Variants in RREB1 observed in about 807,000 individuals in gnomAD.
RREB1 encodes ras-responsive element-binding protein 1.
RREB1 carries 27 observed loss-of-function variants against 117.8 expected under a neutral mutation model. The observed-to-expected ratio is 0.23, with a 90% confidence interval of 0.17 to 0.32. The LOEUF (loss-of-function observed/expected upper bound fraction) is 0.32, where lower values mean the gene tolerates loss of function less well. Among genes scored for constraint, RREB1 ranks in the 10% least tolerant of loss-of-function variants. RREB1 has a pLI of 1.00. For missense variants in RREB1, 2,577 were observed against 2,378.2 expected (o/e 1.08, Z -1.74); for synonymous variants, 1,298 against 1,026.7 (o/e 1.26, Z -5.05).
chr6:7,172,692 G>T (rs369723631), intron 1 of RREB1, among the ~76,000 whole-genome samples: 32 of 134,982 alleles, frequency 2.4e-4, no homozygotes, highest in African/African-American at 7.1e-4. Context: ...TTGCCGGTGT[G>T]GGGGGGTGGG....
chr6:7,207,696 A>G (rs1405027632), intron 6 of RREB1, among the ~76,000 whole-genome samples: 5 of 152,220 alleles, frequency 3.3e-5, no homozygotes, highest in Non-Finnish European at 5.9e-5. Context: ...GAGCATTCCA[A>G]GGTTACTTAG....
rs987268948 is a variant in RREB1 at position 7,230,800 on chromosome 6, G to A, written c.2701G>A (p.Asp901Asn). Reference sequence around the variant, plus strand: ...TGCGGTGGACTTCAATGAGCCCCTGGACTTCTCGCAGAAGGGCCTGGCCCT... The same window carrying A: ...TGCGGTGGACTTCAATGAGCCCCTGAACTTCTCGCAGAAGGGCCTGGCCCT... ...SFAVDFNEPLDFSQKGLALVQ... is the reference protein window; with the variant it reads ...SFAVDFNEPLNFSQKGLALVQ... The change falls in exon 10 of 13, where the codon GAC (aspartate) becomes AAC (asparagine). Residue 901 changes from aspartate to asparagine, a missense_variant. Transcript: ENST00000379938. 15 of 1,614,052 alleles carry A rather than the reference G, an allele frequency of 9.3e-6. No homozygotes were observed. Among genetic ancestry groups the A allele is most frequent in the Admixed American group, 8.3e-5 (5 of 60,004 alleles).
chr6:7,152,316 G>A (rs1350579409), intron 1 of RREB1, among the ~76,000 whole-genome samples: 1 of 152,070 alleles, frequency 6.6e-6, no homozygotes, highest in Non-Finnish European at 1.5e-5. Context: ...TCTTATAAGT[G>A]GTGTATTACA....
chr6:7,137,261 C>T (rs984424309), intron 1 of RREB1, among the ~76,000 whole-genome samples: 1 of 152,136 alleles, frequency 6.6e-6, no homozygotes, highest in Non-Finnish European at 1.5e-5. Context: ...CCTCTCCCTT[C>T]CCCCCTGAGC....
intron 1 of RREB1, among the ~76,000 whole-genome samples, chr6:7,115,006 G>A (rs1200459734): frequency 1.4e-5 from 2 of 144,626 alleles, no homozygotes; most frequent in African/African-American, 5.1e-5. Context: ...TTTTTTTTAA[G>A]TGTTTGAACT....
intron 11 of RREB1, among the ~76,000 whole-genome samples, chr6:7,243,483 G>A (rs929291276): frequency 6.6e-6 from 1 of 152,226 alleles, no homozygotes; most frequent in Non-Finnish European, 1.5e-5. Context: ...CATCAGCTCA[G>A]CTACCTGCAT....
At chr6:7,196,238 T>A (rs865933774) in intron 6 of RREB1, among the ~76,000 whole-genome samples, 1 of 149,346 alleles carries the variant, frequency 6.7e-6, no homozygotes, top group African/African-American at 2.5e-5. Context: ...TTTGTTTTTT[T>A]TTTTTTTTGC....
intron 1 of RREB1, among the ~76,000 whole-genome samples, chr6:7,124,938 G>T (rs1027442423): frequency 6.6e-6 from 1 of 152,228 alleles, no homozygotes; most frequent in African/African-American, 2.4e-5. Flanking sequence ...CTGTCATAGA[G>T]ACATGATCCA....
chr6:7,173,505 A>G (rs1219178116), intron 1 of RREB1, among the ~76,000 whole-genome samples: 11 of 137,404 alleles, frequency 8.0e-5, no homozygotes, highest in Admixed American at 3.6e-4. Flanking sequence ...AAACATGAAG[A>G]AAAAAAAAAA....
chr6:7,241,960 G>A (rs373772188), intron 11 of RREB1, among the ~76,000 whole-genome samples: 1 of 152,316 alleles, frequency 6.6e-6, no homozygotes, highest in African/African-American at 2.4e-5. Context: ...CACTGGAAGC[G>A]CACACCAGTG....
chr6:7,247,087 A>T lies in RREB1; in HGVS notation c.4637A>T (p.Asp1546Val). 6.2e-7 allele frequency: 1 copy of T among 1,613,792 alleles called. No individual in the cohort carries two copies. Among genetic ancestry groups the T allele is most frequent in the Non-Finnish European group, 8.5e-7 (1 of 1,179,960 alleles). The change falls in exon 12 of 13, where the codon GAT becomes GTT. Residue 1546 changes from aspartate to valine, a missense_variant. Asp to Val is a radical substitution (Grantham distance 152, BLOSUM62 -3). Transcript: ENST00000379938. ...AAAAGGTCCTCAGAGAAGAGCGACG[A>T]TGACAAGAAACCAAAGACAGACTCC... ...AEKRSSEKSD[D>V]DKKPKTDSPK...
intron 1 of RREB1, among the ~76,000 whole-genome samples, chr6:7,112,912 G>A (rs1404185811): frequency 1.3e-5 from 2 of 152,212 alleles, no homozygotes; most frequent in East Asian, 3.8e-4. Flanking sequence ...TGGCAGTGGC[G>A]GGTTGGGGTG....
At chr6:7,239,671 A>T (rs1211503300) in intron 10 of RREB1, among the ~76,000 whole-genome samples, 1 of 152,242 alleles carries the variant, frequency 6.6e-6, no homozygotes, top group Non-Finnish European at 1.5e-5. Flanking sequence ...CTTCACATGC[A>T]CATCTGTTGA....
chr6:7,123,364 G>A (rs1413870194), intron 1 of RREB1, among the ~76,000 whole-genome samples: 1 of 152,056 alleles, frequency 6.6e-6, no homozygotes, highest in Non-Finnish European at 1.5e-5. Flanking sequence ...GTTTCACTGT[G>A]TTGCCCAGGC....
chr6:7,236,177 G>T (rs930881425), intron 10 of RREB1, among the ~76,000 whole-genome samples: 1 of 152,092 alleles, frequency 6.6e-6, no homozygotes, highest in East Asian at 1.9e-4. Flanking sequence ...TGGAGGAGAG[G>T]GTGCCAGGAA....
At chr6:7,146,534 G>A (rs1413963404) in intron 1 of RREB1, among the ~76,000 whole-genome samples, 2 of 152,178 alleles carry the variant, frequency 1.3e-5, no homozygotes, top group Non-Finnish European at 2.9e-5. Context: ...CTTAGGGGAC[G>A]TCTTGTGGCC....
At chr6:7,202,832 C>T (rs1452221696) in intron 6 of RREB1, among the ~76,000 whole-genome samples, 2 of 152,044 alleles carry the variant, frequency 1.3e-5, no homozygotes, top group African/African-American at 2.4e-5. Context: ...CCTAGCTGGC[C>T]GATTATAGCT....
chr6:7,163,472 A>T (rs185812836), intron 1 of RREB1, among the ~76,000 whole-genome samples: 155 of 152,128 alleles, frequency 1.0e-3, no homozygotes, highest in African/African-American at 3.6e-3. Context: ...GCTCACTGCA[A>T]GCTCTACCTC....
chr6:7,212,074 A>G, intron 8 of RREB1: 1 of 249,480 alleles, frequency 4.0e-6, no homozygotes, highest in South Asian at 5.2e-5. Flanking sequence ...ATGCATGAAT[A>G]TGTGGCCCAA....
Sources: gnomAD v4.1 joint callset for allele counts (sites outside exome capture counted in the v4.1 genomes callset) on GRCh38, gnomAD v4.1.1 for gene constraint, MANE v1.5 for transcripts, NCBI Gene and HGNC (gene_info 2026-07-23, HGNC 2026-07-21) for gene names.